FGF14: variants seen among roughly 807,000 people sequenced by gnomAD.
FGF14 encodes fibroblast growth factor homologous factor 4.
In FGF14, 5 loss-of-function variants were observed where a neutral mutation model predicts 25.5. That is an observed-to-expected ratio of 0.20 (90% CI 0.10 to 0.41). FGF14 has a LOEUF of 0.41. Among genes scored for constraint, FGF14 ranks in the 10% least tolerant of loss-of-function variants. The pLI, the probability that FGF14 is intolerant of heterozygous loss-of-function variation, is 1.00. For missense variants in FGF14, 222 were observed against 320.1 expected (o/e 0.69, Z 2.34); for synonymous variants, 138 against 118.3 (o/e 1.17, Z -1.08).
intron 2 of FGF14, among the ~76,000 whole-genome samples, chr13:101,870,124 G>A (rs1254742264): frequency 2.6e-5 from 4 of 152,072 alleles, no homozygotes; most frequent in Non-Finnish European, 5.9e-5. Flanking sequence ...TTCTGCTATA[G>A]GATTTTAGGG....
intron 1 of FGF14, among the ~76,000 whole-genome samples, chr13:101,956,444 A>T (rs1368678742): frequency 6.6e-6 from 1 of 152,184 alleles, no homozygotes; most frequent in East Asian, 1.9e-4. Flanking sequence ...GGAAATGATC[A>T]TTCCATGAGG....
At chr13:101,902,631 G>A (rs757271864) in intron 1 of FGF14, among the ~76,000 whole-genome samples, 3 of 152,138 alleles carry the variant, frequency 2.0e-5, no homozygotes, top group East Asian at 1.9e-4. Context: ...AAATGCAAGC[G>A]CCAGTAAGTG....
rs10712042 is a variant in FGF14 at position 101,801,352 on chromosome 13, ATT to A, written c.408+67371_408+67372del. Among the ~76,000 whole-genome samples, 1,102 of 151,448 alleles carry A rather than the reference ATT, an allele frequency of 7.3e-3. 16 individuals carry two copies. Among genetic ancestry groups the A allele is most frequent in the African/African-American group, 0.026 (1,054 of 40,988 alleles). ...TATATGCTCAATGCAGATGTTGACA[ATT>A]TTTTTTTTTTTTCTAAAGAGACAGT... On this transcript the variant is annotated intron_variant, in intron 3 of 4. Coordinates refer to ENST00000376143, the MANE Select transcript of FGF14 (RefSeq NM_004115.4).
chr13:102,078,429 A>C (rs1016473840), intron 1 of FGF14, among the ~76,000 whole-genome samples: 1 of 150,038 alleles, frequency 6.7e-6, no homozygotes, highest in African/African-American at 2.5e-5. Flanking sequence ...CAAGTCAAAC[A>C]ATACACACAA....
At chr13:102,078,714 T>G (rs184569711) in intron 1 of FGF14, among the ~76,000 whole-genome samples, 45 of 152,282 alleles carry the variant, frequency 3.0e-4, no homozygotes, top group East Asian at 1.9e-4. Flanking sequence ...TATAGAGAGT[T>G]AAAAGCTGGA....
At chr13:101,879,208 T>G (rs2045565982) in intron 1 of FGF14, among the ~76,000 whole-genome samples, 1 of 152,196 alleles carries the variant, frequency 6.6e-6, no homozygotes, top group African/African-American at 2.4e-5. Context: ...CCCCTTTTCC[T>G]CCAGTTTTGT....
chr13:102,360,627 A>G (rs1055067914), intron 1 of FGF14, among the ~76,000 whole-genome samples: 3 of 152,250 alleles, frequency 2.0e-5, no homozygotes, highest in African/African-American at 7.2e-5. Context: ...CATAAATCAC[A>G]GGTAATACCT....
At chr13:102,264,251 G>T (rs1476979026) in intron 1 of FGF14, among the ~76,000 whole-genome samples, 2 of 151,866 alleles carry the variant, frequency 1.3e-5, no homozygotes, top group Non-Finnish European at 2.9e-5. Flanking sequence ...TTCATACTAG[G>T]ATTGCATAGG....
At chr13:102,308,059 C>T (rs1486499722) in intron 1 of FGF14, among the ~76,000 whole-genome samples, 2 of 152,090 alleles carry the variant, frequency 1.3e-5, no homozygotes, top group Non-Finnish European at 2.9e-5. Flanking sequence ...AGGGTGTCCT[C>T]GAGACACCAG....
chr13:102,201,084 G>C (rs1198907274), intron 1 of FGF14, among the ~76,000 whole-genome samples: 2 of 124,000 alleles, frequency 1.6e-5, no homozygotes, highest in African/African-American at 3.2e-5. Flanking sequence ...TTGGGCGACA[G>C]AGCGAGACTC....
intron 1 of FGF14, among the ~76,000 whole-genome samples, chr13:102,285,718 C>T (rs1229936071): frequency 6.6e-6 from 1 of 152,150 alleles, no homozygotes; most frequent in South Asian, 2.1e-4. Context: ...AATCAGTACC[C>T]AGCACTGTTC....
chr13:102,148,368 T>C (rs2046940785), intron 1 of FGF14, among the ~76,000 whole-genome samples: 1 of 152,230 alleles, frequency 6.6e-6, no homozygotes, highest in Admixed American at 6.5e-5. Flanking sequence ...TTTCTTACTA[T>C]ATATTTTAAT....
intron 1 of FGF14, among the ~76,000 whole-genome samples, chr13:102,244,630 AT>A (rs2051768814): frequency 6.6e-6 from 1 of 152,030 alleles, no homozygotes; most frequent in Non-Finnish European, 1.5e-5. Context: ...TGAGCTGAAT[AT>A]TTTAATCAGG....
intron 1 of FGF14, among the ~76,000 whole-genome samples, chr13:101,914,457 C>T (rs1455882612): frequency 6.6e-6 from 1 of 151,786 alleles, no homozygotes; most frequent in Non-Finnish European, 1.5e-5. Flanking sequence ...TTTTCCTGTC[C>T]AAAGTAAGGT....
At chr13:101,873,919 A>G (rs973184794) in intron 2 of FGF14, among the ~76,000 whole-genome samples, 4 of 152,028 alleles carry the variant, frequency 2.6e-5, no homozygotes, top group African/African-American at 9.7e-5. Context: ...AAAATAAAAA[A>G]GAGTGATATG....
At chr13:102,384,665 T>C (rs918319433) in intron 1 of FGF14, among the ~76,000 whole-genome samples, 4 of 152,152 alleles carry the variant, frequency 2.6e-5, no homozygotes, top group Non-Finnish European at 4.4e-5. Flanking sequence ...TACCCTACAA[T>C]ACTAATCAGA....
At chr13:102,228,320 G>A (rs9630324) in intron 1 of FGF14, among the ~76,000 whole-genome samples, 36 of 152,228 alleles carry the variant, frequency 2.4e-4, no homozygotes, top group Non-Finnish European at 3.8e-4. Flanking sequence ...GTGCCATTTA[G>A]GAAATGGTGA....
chr13:102,150,918 G>A (rs1478043715), intron 1 of FGF14, among the ~76,000 whole-genome samples: 1 of 152,212 alleles, frequency 6.6e-6, no homozygotes, highest in Non-Finnish European at 1.5e-5. Context: ...CTGAGGCTGA[G>A]AAACTGGCCC....
At chr13:101,952,671 C>T (rs572750379) in intron 1 of FGF14, among the ~76,000 whole-genome samples, 3 of 152,176 alleles carry the variant, frequency 2.0e-5, no homozygotes, top group African/African-American at 7.2e-5. Context: ...AACCTGGCAC[C>T]AAAATAAACT....
Sources: gnomAD v4.1 joint callset for allele counts (sites outside exome capture counted in the v4.1 genomes callset) on GRCh38, gnomAD v4.1.1 for gene constraint, MANE v1.5 for transcripts, NCBI Gene and HGNC (gene_info 2026-07-23, HGNC 2026-07-21) for gene names.